The following SPCS2 variants were observed in gnomAD, a reference collection of about 807,000 sequenced individuals.
SPCS2 encodes SPase 25 kDa subunit.
Under a neutral mutation model 22.3 loss-of-function variants are expected in SPCS2, and 3 were observed. That is an observed-to-expected ratio of 0.13 (90% CI 0.06 to 0.35). SPCS2 has a LOEUF of 0.35. SPCS2 is among the 10% of genes least tolerant of loss of function. The pLI is 1.00. For synonymous variants in SPCS2, 67 were observed against 97.2 expected (o/e 0.69, Z 1.83); for missense variants, 169 against 280.9 (o/e 0.60, Z 2.85).
chr11:74,959,403 T>C (rs928468022), intron 1 of SPCS2, among the ~76,000 whole-genome samples: 3 of 152,222 alleles, frequency 2.0e-5, no homozygotes, highest in African/African-American at 7.2e-5. Context: ...TTTGTCCTTT[T>C]GTTTTTTGAG....
intron 4 of SPCS2, among the ~76,000 whole-genome samples, chr11:74,974,615 TTTTTG>T (rs1948605109): frequency 6.6e-6 from 1 of 152,162 alleles, no homozygotes; most frequent in Non-Finnish European, 1.5e-5. Context: ...TGATGTTCTT[TTTTTG>T]TTTTGTTTTT....
At chr11:74,953,128 G>C (rs976918036) in intron 1 of SPCS2, among the ~76,000 whole-genome samples, 1 of 151,806 alleles carries the variant, frequency 6.6e-6, no homozygotes, top group African/African-American at 2.4e-5. Context: ...AGAACTTGGG[G>C]AAAAAAATGT....
At chr11:74,976,291 A>G (rs1351059569) in intron 4 of SPCS2, among the ~76,000 whole-genome samples, 1 of 152,244 alleles carries the variant, frequency 6.6e-6, no homozygotes. Context: ...CAGTCTAGTG[A>G]AGAAAGTAGT....
chr11:74,974,929 G>A (rs1296609944), intron 4 of SPCS2, among the ~76,000 whole-genome samples: 1 of 152,070 alleles, frequency 6.6e-6, no homozygotes, highest in Non-Finnish European at 1.5e-5. Context: ...TAATGATGTT[G>A]TAATGGACTT....
chr11:74,974,536 A>G (rs1394066636), intron 4 of SPCS2, among the ~76,000 whole-genome samples: 2 of 152,178 alleles, frequency 1.3e-5, no homozygotes. Flanking sequence ...TAGCTCCACC[A>G]TCTAAATGTA....
chr11:74,949,953 C>A (rs981374228), intron 1 of SPCS2, among the ~76,000 whole-genome samples: 2 of 151,874 alleles, frequency 1.3e-5, no homozygotes, highest in Non-Finnish European at 2.9e-5. Flanking sequence ...TCTTTTTTTC[C>A]TGTTGTTTTT....
At chr11:74,960,407 G>C (rs1948505507) in intron 1 of SPCS2, among the ~76,000 whole-genome samples, 2 of 151,710 alleles carry the variant, frequency 1.3e-5, no homozygotes, top group African/African-American at 2.4e-5. Context: ...TTTGAGCTCT[G>C]TTTTCAGCCA....
intron 1 of SPCS2, among the ~76,000 whole-genome samples, chr11:74,953,384 G>C (rs770263179): frequency 1.1e-4 from 17 of 151,990 alleles, no homozygotes; most frequent in Non-Finnish European, 2.2e-4. Flanking sequence ...GTAGAGACAG[G>C]GTTTCACCAT....
At chr11:74,956,720 T>TCTCA (rs1287612290) in intron 1 of SPCS2, among the ~76,000 whole-genome samples, 1 of 152,138 alleles carries the variant, frequency 6.6e-6, no homozygotes, top group Non-Finnish European at 1.5e-5. Context: ...TAACTTCCCA[T>TCTCA]CTCAGTTAGC....
At chr11:74,966,848 C>T (rs1238841963) in intron 3 of SPCS2, among the ~76,000 whole-genome samples, 1 of 152,118 alleles carries the variant, frequency 6.6e-6, no homozygotes, top group African/African-American at 2.4e-5. Flanking sequence ...ACTGCAGCGT[C>T]AGCCTCCTGG....
chr11:74,975,114 G>A (rs541027174), intron 4 of SPCS2, among the ~76,000 whole-genome samples: 50 of 152,046 alleles, frequency 3.3e-4, no homozygotes, highest in African/African-American at 1.1e-3. Context: ...TCCACACACC[G>A]ATGCAAACAT....
chr11:74,952,733 A>G (rs1010080919), intron 1 of SPCS2, among the ~76,000 whole-genome samples: 1 of 152,242 alleles, frequency 6.6e-6, no homozygotes, highest in African/African-American at 2.4e-5. Flanking sequence ...AGAAATAGAT[A>G]AAAGGTCTCA....
intron 1 of SPCS2, among the ~76,000 whole-genome samples, chr11:74,952,396 G>A (rs537397526): frequency 9.2e-5 from 14 of 152,234 alleles, no homozygotes; most frequent in Admixed American, 2.6e-4. Context: ...CATATTATAG[G>A]CTTGTTGTAA....
intron 1 of SPCS2, among the ~76,000 whole-genome samples, chr11:74,954,140 C>G (rs997963604): frequency 2.6e-5 from 4 of 152,212 alleles, no homozygotes; most frequent in Admixed American, 6.5e-5. Flanking sequence ...AAAGTCTCTT[C>G]TGGTTCTGAC....
At chr11:74,955,531 G>A (rs538588033) in intron 1 of SPCS2, among the ~76,000 whole-genome samples, 10 of 152,078 alleles carry the variant, frequency 6.6e-5, no homozygotes, top group South Asian at 2.1e-4. Flanking sequence ...TTGGCTGCCC[G>A]GGGATAGGGG....
intron 1 of SPCS2, among the ~76,000 whole-genome samples, chr11:74,952,957 C>T (rs985132361): frequency 2.0e-5 from 3 of 152,136 alleles, no homozygotes; most frequent in Admixed American, 2.0e-4. Flanking sequence ...TGTATTTGCC[C>T]GTTTTCCTGT....
At chr11:74,971,383 A>G (rs1450002017) in intron 4 of SPCS2, among the ~76,000 whole-genome samples, 4 of 152,182 alleles carry the variant, frequency 2.6e-5, no homozygotes, top group East Asian at 1.9e-4. Context: ...GAAGACTTGT[A>G]TGGTATGCTA....
At chr11:74,972,445 C>T (rs1225530421) in intron 4 of SPCS2, among the ~76,000 whole-genome samples, 1 of 152,218 alleles carries the variant, frequency 6.6e-6, no homozygotes, top group East Asian at 1.9e-4. Context: ...ATCTGTGTCT[C>T]CTCCTGGGCC....
In SPCS2 at chr11:74,978,908, T is replaced by G. The variant is rs1270060857; in HGVS notation, c.*1865T>G. 1 of 152,204 alleles carries G rather than the reference T, an allele frequency of 6.6e-6. No individual in the cohort carries two copies. The highest frequency in any genetic ancestry group is 2.4e-5 in the African/African-American group (1 of 41,454). The allele number at this position is 152,204 out of a possible 1,614,324, so 9.4% of individuals were successfully genotyped here. Reference sequence around the variant, plus strand: ...AAACATGTGTCTCCACATACATTTTTTTTAACAAAAATTGAATTATGTTGA... The same window carrying G: ...AAACATGTGTCTCCACATACATTTTGTTTAACAAAAATTGAATTATGTTGA... On this transcript the variant is annotated 3_prime_UTR_variant, in exon 5 of 5. Coordinates refer to ENST00000263672, the MANE Select transcript of SPCS2 (RefSeq NM_014752.3).
Sources: gnomAD v4.1 joint callset for allele counts (sites outside exome capture counted in the v4.1 genomes callset) on GRCh38, gnomAD v4.1.1 for gene constraint, MANE v1.5 for transcripts, NCBI Gene and HGNC (gene_info 2026-07-23, HGNC 2026-07-21) for gene names.